CTNNA2: variants seen among roughly 807,000 people sequenced by gnomAD.
CTNNA2 encodes catenin alpha-2.
Under a neutral mutation model 101.0 loss-of-function variants are expected in CTNNA2, and 42 were observed. The observed-to-expected ratio is 0.42, with a 90% confidence interval of 0.32 to 0.54. The LOEUF (loss-of-function observed/expected upper bound fraction) is 0.54. Among genes scored for constraint, CTNNA2 ranks in the 20% least tolerant of loss-of-function variants. The probability of loss-of-function intolerance (pLI) is 0.14; values close to 1 mark genes in which losing one functional copy is unlikely to be tolerated. For synonymous variants in CTNNA2, 450 were observed against 456.4 expected, an observed-to-expected ratio of 0.99 and a Z score of 0.18; for missense variants, 871 against 1,223.1, an observed-to-expected ratio of 0.71 and a Z score of 4.29.
chr2:80,524,584 T>G (rs1327677612), intron 9 of CTNNA2, among the ~76,000 whole-genome samples: 1 of 152,172 alleles, frequency 6.6e-6, no homozygotes, highest in African/African-American at 2.4e-5. Flanking sequence ...GTTGAACTAC[T>G]TGCCAATCTC....
Position 79,484,098 on chromosome 2 carries a change from C to T in CTNNA2, c.-134-20956C>T, listed in dbSNP as rs116198157. Among the ~76,000 whole-genome samples the T allele has an allele frequency of 6.1e-3, 923 of 152,054 alleles. 5 individuals are homozygous for T. The highest frequency in any genetic ancestry group is 0.013 in the Admixed American group (196 of 15,240). ...TCTCTATAAAAAATACAAAAATTAACGACATGGTGGCATGTGCCTTTCCTG... is the reference window on the plus strand; with the variant it reads ...TCTCTATAAAAAATACAAAAATTAATGACATGGTGGCATGTGCCTTTCCTG... On this transcript the variant is annotated intron_variant, in intron 4 of 21. Transcript: ENST00000466387.
At chr2:79,382,894 G>A (rs1023477492) in intron 4 of CTNNA2, among the ~76,000 whole-genome samples, 24 of 152,286 alleles carry the variant, frequency 1.6e-4, no homozygotes, top group East Asian at 5.8e-4. Context: ...GATTACAGGC[G>A]TGAGCCACCA....
At chr2:79,276,063 A>G (rs1675204531) in intron 2 of CTNNA2, among the ~76,000 whole-genome samples, 1 of 152,070 alleles carries the variant, frequency 6.6e-6, no homozygotes, top group Admixed American at 6.6e-5. Context: ...ACCTGGGAAG[A>G]CTATTCCAGG....
At chr2:80,344,117 T>C (rs769901590) in intron 7 of CTNNA2, among the ~76,000 whole-genome samples, 6 of 152,156 alleles carry the variant, frequency 3.9e-5, no homozygotes, top group Non-Finnish European at 7.3e-5. Flanking sequence ...TCTTACTCAC[T>C]ATCAGCAGCT....
At chr2:79,702,707 A>T (rs1685094090) in intron 2 of CTNNA2, among the ~76,000 whole-genome samples, 1 of 152,122 alleles carries the variant, frequency 6.6e-6, no homozygotes, top group Admixed American at 6.5e-5. Context: ...TGACTCTGAG[A>T]CTGTTTCTGG....
chr2:80,596,318 T>G (rs1481692767), intron 15 of CTNNA2, among the ~76,000 whole-genome samples: 5 of 87,646 alleles, frequency 5.7e-5, no homozygotes, highest in East Asian at 6.8e-4. Flanking sequence ...TTTTTTTTTT[T>G]TTTTTTTTTG....
intron 3 of CTNNA2, among the ~76,000 whole-genome samples, chr2:79,762,793 G>A (rs1672883781): frequency 6.6e-6 from 1 of 152,160 alleles, no homozygotes; most frequent in African/African-American, 2.4e-5. Flanking sequence ...AATAGTATGA[G>A]CTTAATGATA....
intron 4 of CTNNA2, among the ~76,000 whole-genome samples, chr2:79,461,327 G>T (rs1420785613): frequency 6.6e-6 from 1 of 152,202 alleles, no homozygotes; most frequent in East Asian, 1.9e-4. Context: ...TGATAAGTAG[G>T]CATTTTAAAA....
chr2:79,960,590 C>G (rs781114722), intron 7 of CTNNA2, among the ~76,000 whole-genome samples: 3 of 152,142 alleles, frequency 2.0e-5, no homozygotes, highest in Non-Finnish European at 4.4e-5. Flanking sequence ...ATGCATCTTC[C>G]GTTAAAAGGT....
intron 3 of CTNNA2, among the ~76,000 whole-genome samples, chr2:79,748,365 G>A (rs1671782781): frequency 6.6e-6 from 1 of 152,144 alleles, no homozygotes; most frequent in African/African-American, 2.4e-5. Context: ...TATGCAAGAT[G>A]ATATTCAGAA....
At chr2:79,987,904 C>T (rs1691878140) in intron 7 of CTNNA2, among the ~76,000 whole-genome samples, 1 of 152,170 alleles carries the variant, frequency 6.6e-6, no homozygotes, top group Non-Finnish European at 1.5e-5. Context: ...ATAATTTCTG[C>T]CTGCCTAAAA....
Position 79,767,749 on chromosome 2 carries a change from C to T in CTNNA2, c.298+23167C>T, listed in dbSNP as rs77608347. ...ATCTTTGGGGACCTAGGGCCTGGAA[C>T]GGGCACCTCATGACTCTGATTGGTG... On this transcript the variant is annotated intron_variant, in intron 3 of 18. Transcript: ENST00000402739. Among the ~76,000 whole-genome samples the T allele has an allele frequency of 6.7e-3, 1,013 of 151,954 alleles. 10 individuals are homozygous for T. The highest frequency in any genetic ancestry group is 0.02 in the African/African-American group (816 of 41,458).
chr2:80,300,281 G>GTGTGT (rs1676144755), intron 7 of CTNNA2, among the ~76,000 whole-genome samples: 6 of 93,108 alleles, frequency 6.4e-5, no homozygotes, highest in Admixed American at 2.1e-4. Flanking sequence ...GGGGTGTTGG[G>GTGTGT]GTGTGTGTGT....
At chr2:79,529,684 A>C (rs1230293535) in intron 1 of CTNNA2, among the ~76,000 whole-genome samples, 1 of 145,294 alleles carries the variant, frequency 6.9e-6, no homozygotes, top group Non-Finnish European at 1.5e-5. Flanking sequence ...AGTCAGCAAA[A>C]TGAAAAAGAA....
intron 9 of CTNNA2, among the ~76,000 whole-genome samples, chr2:80,464,706 G>T (rs1253063075): frequency 1.2e-4 from 19 of 152,108 alleles, no homozygotes; most frequent in Admixed American, 1.2e-3. Context: ...ATCACTTTGG[G>T]ACGAGACCTT....
At chr2:79,475,939 A>G (rs1344184857) in intron 4 of CTNNA2, among the ~76,000 whole-genome samples, 1 of 152,184 alleles carries the variant, frequency 6.6e-6, no homozygotes, top group Non-Finnish European at 1.5e-5. Context: ...TCCGAGTTCC[A>G]TACAATGGCA....
intron 1 of CTNNA2, among the ~76,000 whole-genome samples, chr2:79,605,864 G>A (rs529684782): frequency 3.7e-4 from 56 of 152,226 alleles, no homozygotes; most frequent in African/African-American, 1.3e-3. Flanking sequence ...ATGAGTTCAA[G>A]GCTGCAAAGA....
intron 7 of CTNNA2, among the ~76,000 whole-genome samples, chr2:80,141,057 A>C (rs2148909848): frequency 6.6e-6 from 1 of 152,090 alleles, no homozygotes; most frequent in Admixed American, 6.6e-5. Context: ...TTATTTATTT[A>C]TTTTACTCAG....
At chr2:80,633,237 A>G (rs1672483326) in intron 18 of CTNNA2, among the ~76,000 whole-genome samples, 1 of 152,236 alleles carries the variant, frequency 6.6e-6, no homozygotes, top group Admixed American at 6.5e-5. Context: ...ATTTTTTGAT[A>G]AATAAGTGGT....
Sources: allele counts gnomAD v4.1 joint callset (sites outside exome capture counted in the v4.1 genomes callset), GRCh38; gene constraint gnomAD v4.1.1; transcripts MANE v1.5; gene names NCBI Gene and HGNC (gene_info 2026-07-23, HGNC 2026-07-21).